NCS1: variants seen among roughly 807,000 people sequenced by gnomAD.
NCS1 encodes the protein frequenin homolog.
NCS1 carries 6 observed loss-of-function variants against 28.4 expected under a neutral mutation model. The ratio of observed to expected loss-of-function variants is 0.21; its 90% confidence interval spans 0.12 to 0.42. The LOEUF is 0.42. Among genes scored for constraint, NCS1 ranks in the 10% least tolerant of loss-of-function variants. The probability of loss-of-function intolerance (pLI) is 1.00; values close to 1 mark genes in which losing one functional copy is unlikely to be tolerated. For synonymous variants in NCS1, 86 were observed against 99.3 expected, an observed-to-expected ratio of 0.87 and a Z score of 0.79; for missense variants, 131 against 241.4, an observed-to-expected ratio of 0.54 and a Z score of 3.03.
chr9:130,176,122 A>G (rs1832560413), intron 1 of NCS1, among the ~76,000 whole-genome samples: 1 of 143,962 alleles, frequency 6.9e-6, no homozygotes, highest in Non-Finnish European at 1.6e-5. Flanking sequence ...GATCGTAATT[A>G]ATGCTTATTT....
At chr9:130,231,662 A>AT (rs1833503313) in intron 7 of NCS1, among the ~76,000 whole-genome samples, 1 of 152,040 alleles carries the variant, frequency 6.6e-6, no homozygotes, top group South Asian at 2.1e-4. Context: ...GGGATTACAG[A>AT]CATGAGCCAC....
chr9:130,221,589 A>G (rs1833303534), intron 4 of NCS1, among the ~76,000 whole-genome samples: 2 of 143,390 alleles, frequency 1.4e-5, no homozygotes, highest in African/African-American at 5.1e-5. Context: ...CCGCCACCAC[A>G]CCTGGCTAAT....
At chr9:130,178,499 C>T (rs146012665) in intron 1 of NCS1, among the ~76,000 whole-genome samples, 2,269 of 152,312 alleles carry the variant, frequency 0.015, 28 homozygotes, top group Non-Finnish European at 0.018. Flanking sequence ...GCTCCCAAGG[C>T]CTGTCTTAAA....
At chr9:130,172,749 C>CTATAG in intron 1 of NCS1, 22 bp downstream of exon 1, 1 of 1,419,538 alleles carries the variant, frequency 7.0e-7, no homozygotes, top group African/African-American at 1.5e-5. Context: ...CAGCCCCCAG[C>CTATAG]CCGCGCCCCG....
At chr9:130,184,108 C>T (rs1406533724) in intron 1 of NCS1, among the ~76,000 whole-genome samples, 3 of 152,154 alleles carry the variant, frequency 2.0e-5, no homozygotes, top group Admixed American at 6.6e-5. Flanking sequence ...CCGCGCCCGG[C>T]GTCTTTTCTT....
intron 2 of NCS1, among the ~76,000 whole-genome samples, chr9:130,214,690 G>T (rs569790231): frequency 6.6e-6 from 1 of 152,308 alleles, no homozygotes; most frequent in East Asian, 1.9e-4. Flanking sequence ...TGAGAAGAGG[G>T]CTCAGAGGAG....
chr9:130,212,539 C>T (rs375598162), intron 2 of NCS1, among the ~76,000 whole-genome samples: 1 of 149,936 alleles, frequency 6.7e-6, no homozygotes, highest in African/African-American at 2.5e-5. Flanking sequence ...AACCGAGGGG[C>T]GTTGTGGGGA....
chr9:130,222,114 GTATATA>G, intron 4 of NCS1, among the ~76,000 whole-genome samples: 1 of 76,160 alleles, frequency 1.3e-5, no homozygotes, highest in Non-Finnish European at 2.8e-5. Flanking sequence ...ATATATATAC[GTATATA>G]TATATGTGTA....
chr9:130,204,701 A>C (rs1326253491), intron 2 of NCS1, among the ~76,000 whole-genome samples: 1 of 152,188 alleles, frequency 6.6e-6, no homozygotes, highest in Non-Finnish European at 1.5e-5. Context: ...TAATAGTAAA[A>C]CTTTCTAGGA....
chr9:130,228,935 G>T (rs1833456949), intron 7 of NCS1, among the ~76,000 whole-genome samples: 1 of 152,000 alleles, frequency 6.6e-6, no homozygotes. Flanking sequence ...CTCCCAAAGT[G>T]CTGGAACTGC....
At chr9:130,189,879 A>AAAAATAT (rs1554906056) in intron 1 of NCS1, among the ~76,000 whole-genome samples, 6 of 37,748 alleles carry the variant, frequency 1.6e-4, no homozygotes, top group Admixed American at 8.5e-4. Context: ...AAAAAAAAAA[A>AAAAATAT]ATATATATAT....
chr9:130,181,140 C>T lies in NCS1; in HGVS notation c.64+8413C>T, dbSNP rs185475551. Among the ~76,000 whole-genome samples the T allele has an allele frequency of 1.3e-3, 194 of 152,266 alleles. No homozygotes were observed. Among genetic ancestry groups the T allele is most frequent in the Middle Eastern group, 3.4e-3 (1 of 294 alleles). ...ATAGTGAGACCCAGTGGGGAAGGTA[C>T]GTCAGGGCCCCAGGGACGGAGTGTG... On this transcript the variant is annotated intron_variant, in intron 1 of 7. Coordinates refer to ENST00000372398, the MANE Select transcript of NCS1 (RefSeq NM_014286.4). This position sits in a 1 kb window ranked among gnomAD's most constrained non-coding sequence, Gnocchi z 5.0.
chr9:130,205,386 T>C (rs1019325421), intron 2 of NCS1, among the ~76,000 whole-genome samples: 2 of 151,604 alleles, frequency 1.3e-5, no homozygotes, highest in Non-Finnish European at 2.9e-5. Context: ...AAAGAGCTTA[T>C]AAAGAAAAAA....
chr9:130,187,112 C>T (rs1378862350), intron 1 of NCS1, among the ~76,000 whole-genome samples: 3 of 152,056 alleles, frequency 2.0e-5, no homozygotes, highest in Non-Finnish European at 2.9e-5. Context: ...GCAAGGGCTC[C>T]GCTAGGAGGA....
intron 7 of NCS1, among the ~76,000 whole-genome samples, chr9:130,228,616 T>G (rs1425352177): frequency 1.6e-4 from 24 of 152,110 alleles, no homozygotes; most frequent in African/African-American, 5.6e-4. Context: ...TCATAAAATT[T>G]GATTTGTTGG....
Position 130,186,709 on chromosome 9 carries a change from C to T in NCS1, c.64+13982C>T, listed in dbSNP as rs546122551. On this transcript the variant is annotated intron_variant, in intron 1 of 7. Coordinates refer to ENST00000372398, the MANE Select transcript of NCS1 (RefSeq NM_014286.4). The surrounding 1 kb of genome is among the most constrained non-coding windows in gnomAD (Gnocchi z 4.1). ...ACATCTAATGTCATGGCCAGTAGAG[C>T]AGGGAGCCCTCTGGATGGAAGCCCT... Among the ~76,000 whole-genome samples, 1 of 152,288 alleles carries T rather than the reference C, an allele frequency of 6.6e-6. No homozygotes were observed. Among genetic ancestry groups the T allele is most frequent in the East Asian group, 1.9e-4 (1 of 5,174 alleles).
At chr9:130,214,539 G>A (rs1833157449) in intron 2 of NCS1, among the ~76,000 whole-genome samples, 1 of 152,188 alleles carries the variant, frequency 6.6e-6, no homozygotes. Flanking sequence ...GCTGATGCTG[G>A]AGGCGGGACG....
chr9:130,183,898 C>T (rs1296513591), intron 1 of NCS1, among the ~76,000 whole-genome samples: 1 of 151,746 alleles, frequency 6.6e-6, no homozygotes, highest in African/African-American at 2.4e-5. Flanking sequence ...CAAGCTCTGC[C>T]TCCCGGGTTC....
intron 1 of NCS1, chr9:130,200,609 C>G (rs781818769): frequency 5.2e-5 from 81 of 1,551,646 alleles, no homozygotes; most frequent in Non-Finnish European, 6.6e-5. Flanking sequence ...GAGATGGCAA[C>G]GAGTAAGTCT....
Sources: gnomAD v4.1 joint callset for allele counts (sites outside exome capture counted in the v4.1 genomes callset) on GRCh38, gnomAD v4.1.1 for gene constraint, Gnocchi (gnomAD v3.1) non-coding constraint, MANE v1.5 for transcripts, NCBI Gene and HGNC (gene_info 2026-07-23, HGNC 2026-07-21) for gene names.